ME1: variants seen among roughly 807,000 people sequenced by gnomAD.
The protein encoded by ME1 is malic enzyme 1.
ME1 carries 74 observed loss-of-function variants against 66.4 expected under a neutral mutation model. The ratio of observed to expected loss-of-function variants is 1.11; its 90% confidence interval spans 0.92 to 1.35. The LOEUF (loss-of-function observed/expected upper bound fraction) is 1.35. Ranked by LOEUF, ME1 falls within the 40% of genes most tolerant of loss-of-function variation. The probability of loss-of-function intolerance (pLI) is 0.00; values close to 1 mark genes in which losing one functional copy is unlikely to be tolerated. For missense variants in ME1, 750 were observed against 694.1 expected, an observed-to-expected ratio of 1.08 and a Z score of -0.90; for synonymous variants, 251 against 235.6, an observed-to-expected ratio of 1.07 and a Z score of -0.60.
intron 9 of ME1, among the ~76,000 whole-genome samples, chr6:83,233,151 T>A (rs1282898347): frequency 6.6e-6 from 1 of 152,124 alleles, no homozygotes; most frequent in East Asian, 1.9e-4. Context: ...ATGCTCCAAA[T>A]CTTCACTGCA....
At chr6:83,310,007 A>C (rs902009521) in intron 6 of ME1, among the ~76,000 whole-genome samples, 1 of 152,174 alleles carries the variant, frequency 6.6e-6, no homozygotes. Flanking sequence ...CAATTGATAA[A>C]TTTGTTGAAC....
At chr6:83,306,955 T>A (rs1198186658) in intron 6 of ME1, among the ~76,000 whole-genome samples, 4 of 152,088 alleles carry the variant, frequency 2.6e-5, no homozygotes, top group Non-Finnish European at 5.9e-5. Flanking sequence ...TTGATTAGAA[T>A]AAAATGGAAT....
chr6:83,250,396 CAGAG>C (rs1790702471), intron 7 of ME1, among the ~76,000 whole-genome samples: 2 of 151,998 alleles, frequency 1.3e-5, no homozygotes, highest in South Asian at 4.2e-4. Flanking sequence ...AAATTAAACA[CAGAG>C]AGGTTATGTA....
intron 6 of ME1, among the ~76,000 whole-genome samples, chr6:83,258,816 C>T (rs538851334): frequency 1.3e-5 from 2 of 152,206 alleles, no homozygotes; most frequent in South Asian, 4.1e-4. Flanking sequence ...CTGCACTGAA[C>T]CACAGGGCCC....
intron 3 of ME1, among the ~76,000 whole-genome samples, chr6:83,363,505 C>T (rs144329519): frequency 6.6e-6 from 1 of 152,176 alleles, no homozygotes; most frequent in African/African-American, 2.4e-5. Context: ...GAAACTACAA[C>T]AGCCCAATCC....
chr6:83,392,477 C>A (rs1769640122), intron 3 of ME1: 2 of 517,868 alleles, frequency 3.9e-6, no homozygotes, highest in Admixed American at 2.0e-5. Context: ...GTCACCAGGG[C>A]TGCTTTAAAC....
intron 9 of ME1, among the ~76,000 whole-genome samples, chr6:83,232,672 GA>G: frequency 6.6e-6 from 1 of 152,238 alleles, no homozygotes; most frequent in East Asian, 1.9e-4. Flanking sequence ...CACATTGTAT[GA>G]AATGTATTAA....
chr6:83,282,199 C>T (rs1767310485), intron 6 of ME1, among the ~76,000 whole-genome samples: 1 of 152,098 alleles, frequency 6.6e-6, no homozygotes, highest in Non-Finnish European at 1.5e-5. Flanking sequence ...AGGACACAGG[C>T]ATAGGCAAAG....
chr6:83,301,314 T>TTCTC (rs560570045), intron 6 of ME1, among the ~76,000 whole-genome samples: 2,032 of 141,370 alleles, frequency 0.014, 57 homozygotes, highest in African/African-American at 0.049. Flanking sequence ...CTTTCTTTCT[T>TTCTC]TCTCTCTCTC....
At chr6:83,376,862 G>A (rs1433344818) in intron 3 of ME1, among the ~76,000 whole-genome samples, 2 of 145,176 alleles carry the variant, frequency 1.4e-5, no homozygotes, top group Admixed American at 7.1e-5. Context: ...GAAAAATGAA[G>A]TCAGAATTTT....
intron 7 of ME1, among the ~76,000 whole-genome samples, chr6:83,247,135 T>C (rs758266651): frequency 3.3e-5 from 5 of 152,140 alleles, no homozygotes; most frequent in African/African-American, 1.2e-4. Flanking sequence ...CAAGTCAAAC[T>C]AGTTTATTAT....
chr6:83,212,426 T>TA (rs1789908546), intron 13 of ME1, among the ~76,000 whole-genome samples: 1 of 152,164 alleles, frequency 6.6e-6, no homozygotes, highest in African/African-American at 2.4e-5. Context: ...AATAAATACC[T>TA]AAATAGTCCT....
intron 6 of ME1, among the ~76,000 whole-genome samples, chr6:83,281,441 T>A (rs1767284581): frequency 6.6e-6 from 1 of 152,158 alleles, no homozygotes; most frequent in African/African-American, 2.4e-5. Context: ...TCTTTCTATA[T>A]CCTCTTACAT....
intron 3 of ME1, among the ~76,000 whole-genome samples, chr6:83,357,933 C>CTATATATATA (rs1768926544): frequency 4.4e-5 from 2 of 44,964 alleles, no homozygotes; most frequent in African/African-American, 7.6e-5. Context: ...CTCTCTCTCT[C>CTATATATATA]TCTATATATA....
intron 1 of ME1, among the ~76,000 whole-genome samples, chr6:83,417,177 G>A (rs912626441): frequency 6.6e-6 from 1 of 152,080 alleles, no homozygotes; most frequent in Non-Finnish European, 1.5e-5. Context: ...AGCTTCTTGA[G>A]TAGCTGGAAC....
At chr6:83,419,175 A>T (rs1333810651) in intron 1 of ME1, among the ~76,000 whole-genome samples, 1 of 152,216 alleles carries the variant, frequency 6.6e-6, no homozygotes, top group Admixed American at 6.5e-5. Flanking sequence ...ATTCCATTTC[A>T]TAAAAATGTT....
At chr6:83,293,950 A>G (rs1459772718) in intron 6 of ME1, among the ~76,000 whole-genome samples, 1 of 152,238 alleles carries the variant, frequency 6.6e-6, no homozygotes, top group African/African-American at 2.4e-5. Flanking sequence ...TATTAGCTAT[A>G]TATACTTCTA....
At position 83,389,017 on chromosome 6, in the gene ME1, G is replaced by A. The variant is rs149530334; in HGVS notation, c.362+9350C>T. 8.9e-3 allele frequency among the ~76,000 whole-genome samples: 1,355 copies of A among 152,222 alleles called. 19 individuals carry two copies. The highest frequency in any genetic ancestry group is 0.031 in the African/African-American group (1,269 of 41,524). Reference sequence around the variant, plus strand: ...GCCTGTAATCCTAGCTACTTGGGAGGCTGAGGCAGGAGAATCACTTGAATC... The same window carrying A: ...GCCTGTAATCCTAGCTACTTGGGAGACTGAGGCAGGAGAATCACTTGAATC... On this transcript the variant is annotated intron_variant, in intron 3 of 13. Coordinates refer to ENST00000369705, the MANE Select transcript of ME1 (RefSeq NM_002395.6).
intron 8 of ME1, among the ~76,000 whole-genome samples, chr6:83,238,640 A>T (rs928404082): frequency 6.6e-6 from 1 of 152,056 alleles, no homozygotes; most frequent in African/African-American, 2.4e-5. Context: ...ATACTTTCAC[A>T]TATTTGTATC....
Sources: allele counts gnomAD v4.1 joint callset (sites outside exome capture counted in the v4.1 genomes callset), GRCh38; gene constraint gnomAD v4.1.1; transcripts MANE v1.5; gene names NCBI Gene and HGNC (gene_info 2026-07-23, HGNC 2026-07-21).